Variants in FRAS1 observed in about 807,000 individuals in gnomAD.
FRAS1 encodes the protein Fraser extracellular matrix complex subunit 1.
Under a neutral mutation model 435.2 loss-of-function variants are expected in FRAS1, and 290 were observed. That is an observed-to-expected ratio of 0.67 (90% CI 0.61 to 0.73). The LOEUF (loss-of-function observed/expected upper bound fraction) is 0.73. Ranked by LOEUF, FRAS1 falls within the 30% of genes least tolerant of loss-of-function variation. The pLI is 0.00. For missense variants in FRAS1, 4,860 were observed against 5,001.5 expected, an observed-to-expected ratio of 0.97 and a Z score of 0.85; for synonymous variants, 1,800 against 1,851.0, an observed-to-expected ratio of 0.97 and a Z score of 0.71.
At chr4:78,206,028 C>A (rs17003051) in intron 2 of FRAS1, among the ~76,000 whole-genome samples, 1,794 of 152,182 alleles carry the variant, frequency 0.012, 44 homozygotes, top group African/African-American at 0.042. Flanking sequence ...AAACATGCTA[C>A]CTGTGACAGG....
chr4:78,282,799 G>A (rs986184026), intron 11 of FRAS1, 21 bp from the exon 12 acceptor site: 7 of 1,612,332 alleles, frequency 4.3e-6, no homozygotes, highest in African/African-American at 1.3e-5. Context: ...TGACAATGCT[G>A]TTCTTCACTT....
chr4:78,479,814 A>G, intron 56 of FRAS1, 96 bp downstream of exon 56: 1 of 944,612 alleles, frequency 1.1e-6, no homozygotes, highest in Non-Finnish European at 1.5e-6. Context: ...GGAGACATTG[A>G]GAATGCCATT....
chr4:78,531,615 G>T (rs773845443), intron 70 of FRAS1, among the ~76,000 whole-genome samples: 1 of 152,076 alleles, frequency 6.6e-6, no homozygotes, highest in Non-Finnish European at 1.5e-5. Flanking sequence ...CCACAAACTT[G>T]CTGCTTCTCC....
At chr4:78,345,570 C>G (rs1335099619) in intron 20 of FRAS1, among the ~76,000 whole-genome samples, 2 of 151,560 alleles carry the variant, frequency 1.3e-5, no homozygotes, top group African/African-American at 4.9e-5. Context: ...TTTTTTAACA[C>G]TTGCTTCTTT....
At chr4:78,090,412 A>T (rs1741456051) in intron 2 of FRAS1, among the ~76,000 whole-genome samples, 1 of 152,190 alleles carries the variant, frequency 6.6e-6, no homozygotes, top group Non-Finnish European at 1.5e-5. Context: ...GTGGTCTGGA[A>T]ATTATACTAA....
At position 78,308,102 on chromosome 4, in the gene FRAS1, C is replaced by T. The variant is rs772777587; in HGVS notation, c.1571C>T (p.Thr524Met). The T allele has an allele frequency of 1.7e-5, 27 of 1,613,454 alleles. 1 individual carries two copies. Among genetic ancestry groups the T allele is most frequent in the Middle Eastern group, 1.6e-4 (1 of 6,082 alleles). ...HESCAGCWGPTEKHCLACRDP... is the reference protein window; with the variant it reads ...HESCAGCWGPMEKHCLACRDP... ...TCCTGTGCAGGTTGCTGGGGCCCAA[C>T]GGAGAAGCACTGCTTGGCCTGCAGA... The change falls in exon 15 of 74, where the codon ACG becomes ATG. Residue 524 changes from threonine to methionine, a missense_variant. Coordinates refer to ENST00000512123, the MANE Select transcript of FRAS1 (RefSeq NM_025074.7).
intron 60 of FRAS1, among the ~76,000 whole-genome samples, chr4:78,498,321 A>C (rs1022105706): frequency 6.6e-6 from 1 of 152,138 alleles, no homozygotes; most frequent in Non-Finnish European, 1.5e-5. Context: ...AGCCTGACCA[A>C]CATGGAGAAA....
chr4:78,190,045 G>T (rs1030497652), intron 2 of FRAS1, among the ~76,000 whole-genome samples: 1 of 152,004 alleles, frequency 6.6e-6, no homozygotes, highest in Non-Finnish European at 1.5e-5. Context: ...TTTCCTGGCC[G>T]CAGAAAACCT....
chr4:78,217,663 G>A (rs1014779846), intron 2 of FRAS1, among the ~76,000 whole-genome samples: 1 of 152,040 alleles, frequency 6.6e-6, no homozygotes, highest in Non-Finnish European at 1.5e-5. Flanking sequence ...GTTGGCAGTT[G>A]TCGCTCACTG....
intron 5 of FRAS1, among the ~76,000 whole-genome samples, chr4:78,253,901 C>T (rs1392872433): frequency 2.0e-5 from 3 of 152,168 alleles, no homozygotes; most frequent in African/African-American, 7.2e-5. Context: ...GTAGTATCAT[C>T]AACACTATTT....
chr4:78,252,375 G>A lies in FRAS1; in HGVS notation c.310-17G>A. On this transcript the variant is annotated splice_polypyrimidine_tract_variant and intron_variant, in intron 4 of 73. Coordinates refer to ENST00000512123, the MANE Select transcript of FRAS1 (RefSeq NM_025074.7). ...TTGGCACTAACCTTTTTTTTTTTCT[G>A]TCTCCCTAACACACAGCATGGGACA... The A allele has an allele frequency of 1.3e-6, 2 of 1,527,824 alleles. No individual in the cohort carries two copies. The highest frequency in any genetic ancestry group is 1.5e-5 in the African/African-American group (1 of 68,636). The allele number at this position is 1,527,824 out of a possible 1,614,324, so 94.6% of individuals were successfully genotyped here.
intron 15 of FRAS1, among the ~76,000 whole-genome samples, chr4:78,314,894 C>T (rs914005526): frequency 7.9e-5 from 12 of 152,072 alleles, no homozygotes; most frequent in African/African-American, 2.7e-4. Context: ...TTCATTGTGC[C>T]TATATAGATT....
intron 22 of FRAS1, among the ~76,000 whole-genome samples, 197 bp downstream of exon 22, chr4:78,364,251 G>T (rs1183717421): frequency 6.6e-6 from 1 of 152,232 alleles, no homozygotes; most frequent in Non-Finnish European, 1.5e-5. Flanking sequence ...AATCAAAAGT[G>T]CTGGGCTTGG....
intron 2 of FRAS1, among the ~76,000 whole-genome samples, chr4:78,067,312 T>C (rs1404371390): frequency 6.6e-6 from 1 of 152,188 alleles, no homozygotes; most frequent in Non-Finnish European, 1.5e-5. Flanking sequence ...CCATTAGTGG[T>C]GGACCAGAAC....
intron 2 of FRAS1, among the ~76,000 whole-genome samples, chr4:78,220,875 C>T (rs1451475055): frequency 1.3e-5 from 2 of 151,988 alleles, no homozygotes; most frequent in Non-Finnish European, 2.9e-5. Context: ...GAAATTAACA[C>T]GTTTATTAAA....
intron 1 of FRAS1, among the ~76,000 whole-genome samples, chr4:78,064,838 T>C (rs1739925327): frequency 6.6e-6 from 1 of 151,710 alleles, no homozygotes. Flanking sequence ...ATAATGTCCT[T>C]CTCTCTTTAG....
chr4:78,152,736 A>G (rs1720721503), intron 2 of FRAS1, among the ~76,000 whole-genome samples: 1 of 150,738 alleles, frequency 6.6e-6, no homozygotes, highest in Non-Finnish European at 1.5e-5. Flanking sequence ...CTGATTCCCC[A>G]GACACTTGTT....
rs1730548665 is a variant in FRAS1 at position 78,344,911 on chromosome 4, G to A, written c.2422+7094G>A. On this transcript the variant is annotated intron_variant, in intron 20 of 73. Transcript: ENST00000512123. ...CATACGTGCATTGTTTTCAGTTGTAGTCAACAGCTATGGTATTTCTTTGTT... is the reference window on the plus strand; with the variant it reads ...CATACGTGCATTGTTTTCAGTTGTAATCAACAGCTATGGTATTTCTTTGTT... 2.0e-5 allele frequency among the ~76,000 whole-genome samples: 3 copies of A among 152,082 alleles called. No homozygotes were observed. In the South Asian group the frequency reaches 6.2e-4, roughly 32 times the overall value.
intron 42 of FRAS1, chr4:78,445,929 G>A: frequency 4.6e-6 from 6 of 1,317,986 alleles, no homozygotes; most frequent in Non-Finnish European, 3.9e-6. Context: ...TTTCAGGATT[G>A]AATTTATTTG....
Sources: allele counts gnomAD v4.1 joint callset (sites outside exome capture counted in the v4.1 genomes callset), GRCh38; gene constraint gnomAD v4.1.1; transcripts MANE v1.5; gene names NCBI Gene and HGNC (gene_info 2026-07-23, HGNC 2026-07-21).